The following SLC34A2 variants were observed in gnomAD, a reference collection of about 807,000 sequenced individuals.
The protein encoded by SLC34A2 is sodium-dependent phosphate transport protein 2B.
Under a neutral mutation model 50.8 loss-of-function variants are expected in SLC34A2, and 41 were observed. The observed-to-expected ratio is 0.81, with a 90% CI of 0.63 to 1.05. SLC34A2 has a LOEUF of 1.05. Among genes scored for constraint, SLC34A2 ranks in the 50% least tolerant of loss-of-function variants. The pLI is 0.00. For missense variants in SLC34A2, 879 were observed against 876.7 expected (o/e 1.00, Z -0.03); for synonymous variants, 401 against 364.2 (o/e 1.10, Z -1.15).
intron 5 of SLC34A2, among the ~76,000 whole-genome samples, chr4:25,666,770 A>G (rs1301165323): frequency 6.6e-6 from 1 of 152,168 alleles, no homozygotes; most frequent in African/African-American, 2.4e-5. Context: ...CAACTTAATC[A>G]CATCACAAAT....
In SLC34A2 at chr4:25,673,129, T is replaced by G; in HGVS notation, c.1091T>G (p.Val364Gly). The G allele has an allele frequency of 1.2e-6, 2 of 1,614,150 alleles. No individual in the cohort carries two copies. Among genetic ancestry groups the G allele is most frequent in the South Asian group, 2.2e-5 (2 of 91,062 alleles). The change falls in exon 10 of 13, where the codon GTG (valine) becomes GGG (glycine). Residue 364 changes from valine to glycine, a missense_variant. Physicochemically the swap from Val to Gly is moderately radical, Grantham distance 109. Transcript: ENST00000382051. The part of the protein sequence containing the change: ...FVNFHLPDLA[V>G]GTILLILSLL... ...AATTTCCACCTCCCGGATCTTGCTG[T>G]GGGCACCATCTTGCTCATACTCTCC... is the stretch of plus-strand genomic sequence containing the variant.
intron 1 of SLC34A2, among the ~76,000 whole-genome samples, chr4:25,656,205 A>C (rs1713874380): frequency 6.6e-6 from 1 of 152,136 alleles, no homozygotes; most frequent in African/African-American, 2.4e-5. Flanking sequence ...GGGGATAGAA[A>C]TCTCCACCTA....
intron 3 of SLC34A2, among the ~76,000 whole-genome samples, chr4:25,663,834 G>A (rs933952148): frequency 2.0e-5 from 3 of 152,106 alleles, no homozygotes; most frequent in Admixed American, 6.6e-5. Context: ...CATTATCTCC[G>A]ACCCTGCACT....
At chr4:25,662,445 T>G in intron 1 of SLC34A2, 53 bp from the exon 2 acceptor site, 1 of 1,493,132 alleles carries the variant, frequency 6.7e-7, no homozygotes. Flanking sequence ...TTATAGCATC[T>G]CGGTGTGCCT....
chr4:25,671,495 A>C, intron 8 of SLC34A2, 106 bp from the exon 9 acceptor site: 2 of 1,373,912 alleles, frequency 1.5e-6, no homozygotes, highest in Non-Finnish European at 2.1e-6. Flanking sequence ...GCCATACTGC[A>C]TGCACCATGG....
intron 9 of SLC34A2, among the ~76,000 whole-genome samples, chr4:25,672,222 GC>G (rs1714856518): frequency 6.6e-6 from 1 of 152,152 alleles, no homozygotes; most frequent in South Asian, 2.1e-4. Flanking sequence ...TATAATTCCA[GC>G]CAAGATTGCA....
chr4:25,667,769 A>T lies in SLC34A2; in HGVS notation c.524-111A>T, dbSNP rs2109054251. Reference sequence around the variant, plus strand: ...GTGCAAAAAAAAAGTTTAAGAATTCACTTGCATAGAGGATAAAAACTACTT... The same window carrying T: ...GTGCAAAAAAAAAGTTTAAGAATTCTCTTGCATAGAGGATAAAAACTACTT... On this transcript the variant is annotated intron_variant, in intron 5 of 12. Transcript: ENST00000382051. 5.4e-6 allele frequency: 4 copies of T among 738,660 alleles called. No individual in the cohort carries two copies. In the Admixed American group the frequency reaches 8.1e-5, roughly 15 times the overall value. The allele number at this position is 738,660 out of a possible 1,614,324, so 45.8% of individuals were successfully genotyped here. A position where few individuals can be genotyped will look rare whatever the true frequency, so the allele number is the denominator to read the frequency against.
In SLC34A2 at chr4:25,674,632, C is replaced by T; in HGVS notation, c.1458+3C>T. The T allele has an allele frequency of 6.2e-7, 1 of 1,614,208 alleles. No individual in the cohort carries two copies. The highest frequency in any genetic ancestry group is 8.5e-7 in the Non-Finnish European group (1 of 1,180,026). On this transcript the variant is annotated splice_donor_region_variant and intron_variant, in intron 12 of 12. Coordinates refer to ENST00000382051, the MANE Select transcript of SLC34A2 (RefSeq NM_006424.3). Reference sequence around the variant, plus strand: ...ATGCATTGAGGAGTTCACTCCAGGTCAGGACTTGGGGCACGGGGACAGGGG... The same window carrying T: ...ATGCATTGAGGAGTTCACTCCAGGTTAGGACTTGGGGCACGGGGACAGGGG...
intron 1 of SLC34A2, among the ~76,000 whole-genome samples, chr4:25,658,260 C>T (rs934135371): frequency 1.8e-4 from 28 of 152,204 alleles, no homozygotes; most frequent in African/African-American, 6.3e-4. Flanking sequence ...CTACCATGTG[C>T]CCAGCACTGT....
intron 1 of SLC34A2, among the ~76,000 whole-genome samples, chr4:25,656,108 G>A (rs567935017): frequency 6.6e-6 from 1 of 152,272 alleles, no homozygotes; most frequent in South Asian, 2.1e-4. Flanking sequence ...ACACTCTTAC[G>A]ATCGACAGTG....
intron 7 of SLC34A2, among the ~76,000 whole-genome samples, 193 bp from the exon 8 acceptor site, chr4:25,670,545 C>T (rs1379598336): frequency 6.6e-6 from 1 of 152,202 alleles, no homozygotes; most frequent in Non-Finnish European, 1.5e-5. Context: ...GCCATTCAGT[C>T]ATCCAGAAAA....
chr4:25,664,419 C>A, intron 4 of SLC34A2, 89 bp downstream of exon 4: 1 of 1,398,354 alleles, frequency 7.2e-7, no homozygotes, highest in Non-Finnish European at 1.0e-6. Context: ...CCCTCTCCAG[C>A]TGCAGCCTCC....
At chr4:25,665,754 A>T (rs1464482760) in intron 4 of SLC34A2, among the ~76,000 whole-genome samples, 2 of 152,146 alleles carry the variant, frequency 1.3e-5, no homozygotes, top group African/African-American at 4.8e-5. Flanking sequence ...ATTGGAACCC[A>T]CTGGTCCCAG....
In SLC34A2 at chr4:25,666,194, T is replaced by C. The variant is rs1241125360; in HGVS notation, c.446T>C (p.Ile149Thr). 1 of 1,614,066 alleles carries C rather than the reference T, an allele frequency of 6.2e-7. No homozygotes were observed. The highest frequency in any genetic ancestry group is 1.1e-5 in the South Asian group (1 of 91,070). The change falls in exon 5 of 13, where the codon ATC (isoleucine) becomes ACC (threonine). Residue 149 changes from isoleucine (I) to threonine (T), a missense_variant. Coordinates refer to ENST00000382051, the MANE Select transcript of SLC34A2 (RefSeq NM_006424.3). ...IMSNPLLGLV[I>T]GVLVTVLVQS... ...TCCAACCCTTTGTTGGGGCTGGTGATCGGGGTGCTGGTGACCGTCTTGGTG... is the reference window on the plus strand; with the variant it reads ...TCCAACCCTTTGTTGGGGCTGGTGACCGGGGTGCTGGTGACCGTCTTGGTG...
At chr4:25,675,805 G>T (rs542748768) in intron 12 of SLC34A2, among the ~76,000 whole-genome samples, 1 of 152,208 alleles carries the variant, frequency 6.6e-6, no homozygotes, top group African/African-American at 2.4e-5. Flanking sequence ...CAGGCTCCCA[G>T]GATGTGAATT....
intron 1 of SLC34A2, among the ~76,000 whole-genome samples, chr4:25,661,262 G>A (rs1194598569): frequency 5.3e-5 from 8 of 152,174 alleles, no homozygotes; most frequent in Non-Finnish European, 7.4e-5. Context: ...GAGGCATAAA[G>A]GGACTTGCCT....
chr4:25,673,339 G>GC, intron 10 of SLC34A2, 85 bp downstream of exon 10: 38 of 1,243,982 alleles, frequency 3.1e-5, no homozygotes, highest in Non-Finnish European at 4.4e-5. Flanking sequence ...TCTAGCAATG[G>GC]CCTCTGCATG....
intron 3 of SLC34A2, among the ~76,000 whole-genome samples, chr4:25,663,315 C>T (rs555508974): frequency 6.6e-6 from 1 of 152,278 alleles, no homozygotes; most frequent in South Asian, 2.1e-4. Flanking sequence ...ATTCATTCAA[C>T]AAATGTGCCA....
At chr4:25,663,577 G>T (rs1267063902) in intron 3 of SLC34A2, among the ~76,000 whole-genome samples, 1 of 152,144 alleles carries the variant, frequency 6.6e-6, no homozygotes, top group Admixed American at 6.5e-5. Context: ...AGGGCAGAAG[G>T]TCTGTCTGTG....
Sources: allele counts gnomAD v4.1 joint callset (sites outside exome capture counted in the v4.1 genomes callset), GRCh38; gene constraint gnomAD v4.1.1; transcripts MANE v1.5; gene names NCBI Gene and HGNC (gene_info 2026-07-23, HGNC 2026-07-21).